The following DPYD variants were observed in gnomAD, a reference collection of about 807,000 sequenced individuals.
DPYD encodes the protein dihydropyrimidine dehydrogenase.
A neutral mutation model predicts 116.2 loss-of-function variants in DPYD; 109 were observed. The observed-to-expected ratio is 0.94, with a 90% confidence interval of 0.80 to 1.10. The LOEUF is 1.10. Ranked by LOEUF, DPYD falls within the 50% of genes least tolerant of loss-of-function variation. The pLI, the probability that DPYD is intolerant of heterozygous loss-of-function variation, is 0.00. For synonymous variants in DPYD, 440 were observed against 432.0 expected, an observed-to-expected ratio of 1.02 and a Z score of -0.23; for missense variants, 1,302 against 1,254.5, an observed-to-expected ratio of 1.04 and a Z score of -0.57.
chr1:97,216,553 GGAGGCC>G (rs1430021450), intron 19 of DPYD, among the ~76,000 whole-genome samples: 2 of 152,226 alleles, frequency 1.3e-5, no homozygotes, highest in African/African-American at 4.8e-5. Context: ...CAGTACTTTG[GGAGGCC>G]GAGGCAGGCA....
chr1:97,880,369 T>C (rs1474525404), intron 2 of DPYD, among the ~76,000 whole-genome samples: 1 of 151,922 alleles, frequency 6.6e-6, no homozygotes, highest in Non-Finnish European at 1.5e-5. Flanking sequence ...TGGGTCTTTA[T>C]GAATTGAAAA....
chr1:97,605,488 G>A (rs537159896), intron 8 of DPYD, among the ~76,000 whole-genome samples: 1 of 152,120 alleles, frequency 6.6e-6, no homozygotes, highest in Non-Finnish European at 1.5e-5. Flanking sequence ...TAAGGTGCTT[G>A]CTTCTCCTTT....
At chr1:97,897,382 C>G (rs1362532686) in intron 1 of DPYD, among the ~76,000 whole-genome samples, 1 of 151,690 alleles carries the variant, frequency 6.6e-6, no homozygotes, top group Non-Finnish European at 1.5e-5. Flanking sequence ...GCGTTGTTTT[C>G]TTTATATTTC....
At chr1:97,364,870 C>T (rs1371456674) in intron 16 of DPYD, among the ~76,000 whole-genome samples, 1 of 152,128 alleles carries the variant, frequency 6.6e-6, no homozygotes, top group Non-Finnish European at 1.5e-5. Context: ...ATCTCCTTCT[C>T]TAGTCAGGCA....
intron 8 of DPYD, among the ~76,000 whole-genome samples, chr1:97,637,144 T>G (rs890176754): frequency 6.6e-6 from 1 of 152,094 alleles, no homozygotes; most frequent in Admixed American, 6.5e-5. Flanking sequence ...AGACTAAGAG[T>G]ACAGCTACCA....
At chr1:97,645,270 T>C (rs1658189955) in intron 8 of DPYD, among the ~76,000 whole-genome samples, 1 of 152,130 alleles carries the variant, frequency 6.6e-6, no homozygotes, top group Admixed American at 6.6e-5. Context: ...GGAGTGTCTA[T>C]TTCCTTGTAC....
chr1:97,173,500 A>AT (rs1344084224), intron 20 of DPYD, among the ~76,000 whole-genome samples: 249 of 151,348 alleles, frequency 1.6e-3, no homozygotes, highest in African/African-American at 5.8e-3. Context: ...ACGCATATAT[A>AT]AAATACACAC....
chr1:97,393,492 G>A (rs576862956), intron 14 of DPYD, among the ~76,000 whole-genome samples: 11 of 151,086 alleles, frequency 7.3e-5, no homozygotes, highest in Non-Finnish European at 1.2e-4. Context: ...CCTACCTTGT[G>A]TCCAAGTGTT....
At chr1:97,492,568 C>T (rs1679032989) in intron 13 of DPYD, among the ~76,000 whole-genome samples, 1 of 152,100 alleles carries the variant, frequency 6.6e-6, no homozygotes, top group African/African-American at 2.4e-5. Context: ...AGTATCTTTT[C>T]CATTATTTTA....
At chr1:97,861,161 T>C (rs1285029831) in intron 2 of DPYD, among the ~76,000 whole-genome samples, 3 of 151,908 alleles carry the variant, frequency 2.0e-5, no homozygotes, top group African/African-American at 4.8e-5. Flanking sequence ...TAAGGGAAAA[T>C]GATAACTATT....
chr1:97,870,446 A>G (rs1326866836), intron 2 of DPYD, among the ~76,000 whole-genome samples: 2 of 151,756 alleles, frequency 1.3e-5, no homozygotes, highest in Non-Finnish European at 2.9e-5. Flanking sequence ...AATAACGGAG[A>G]GCTATGACAG....
intron 20 of DPYD, among the ~76,000 whole-genome samples, chr1:97,162,969 C>T (rs904678728): frequency 1.3e-5 from 2 of 151,616 alleles, no homozygotes; most frequent in African/African-American, 4.9e-5. Context: ...ACACCTTATA[C>T]AAAAATTAAT....
intron 10 of DPYD, among the ~76,000 whole-genome samples, chr1:97,591,325 G>A (rs765189829): frequency 1.3e-5 from 2 of 152,070 alleles, no homozygotes; most frequent in African/African-American, 2.4e-5. Flanking sequence ...TTATGTGACA[G>A]TTTATTTGTT....
At chr1:97,781,587 A>C (rs1666753152) in intron 3 of DPYD, among the ~76,000 whole-genome samples, 1 of 152,214 alleles carries the variant, frequency 6.6e-6, no homozygotes, top group Admixed American at 6.5e-5. Context: ...ATTTATATCA[A>C]CCTGAATCAC....
At chr1:97,355,488 T>C (rs751781064) in intron 16 of DPYD, among the ~76,000 whole-genome samples, 4 of 152,150 alleles carry the variant, frequency 2.6e-5, no homozygotes, top group Non-Finnish European at 4.4e-5. Flanking sequence ...ATATATCTCA[T>C]AGTAAAAAGA....
intron 11 of DPYD, among the ~76,000 whole-genome samples, chr1:97,556,818 A>G (rs1439686045): frequency 2.6e-5 from 4 of 151,196 alleles, no homozygotes; most frequent in Non-Finnish European, 5.9e-5. Flanking sequence ...ATAAACATAC[A>G]TGTGCATGTG....
chr1:97,107,818 T>A (rs1356531850), intron 20 of DPYD, among the ~76,000 whole-genome samples: 2 of 152,138 alleles, frequency 1.3e-5, no homozygotes, highest in Admixed American at 1.3e-4. Flanking sequence ...ATAAGGTAGG[T>A]GTTTAATATG....
At chr1:97,199,406 G>T (rs934723835) in intron 19 of DPYD, among the ~76,000 whole-genome samples, 2 of 151,948 alleles carry the variant, frequency 1.3e-5, no homozygotes, top group African/African-American at 4.8e-5. Flanking sequence ...ACTTAAAAAT[G>T]GAGATTAAAT....
intron 14 of DPYD, among the ~76,000 whole-genome samples, chr1:97,447,868 G>A (rs1015730596): frequency 6.6e-6 from 1 of 151,714 alleles, no homozygotes; most frequent in African/African-American, 2.4e-5. Context: ...AGACACATTA[G>A]CTTATCTAGA....
Sources: gnomAD v4.1 joint callset for allele counts (sites outside exome capture counted in the v4.1 genomes callset) on GRCh38, gnomAD v4.1.1 for gene constraint, MANE v1.5 for transcripts, NCBI Gene and HGNC (gene_info 2026-07-23, HGNC 2026-07-21) for gene names.